Variants in BBS9 observed in about 807,000 individuals in gnomAD.
BBS9 encodes protein PTHB1.
BBS9 carries 89 observed loss-of-function variants against 117.7 expected under a neutral mutation model. That is an observed-to-expected ratio of 0.76 (90% CI 0.64 to 0.90). The LOEUF is 0.90. Ranked by LOEUF, BBS9 falls within the 40% of genes least tolerant of loss-of-function variation. The pLI, the probability that BBS9 is intolerant of heterozygous loss-of-function variation, is 0.00. For missense variants in BBS9, 982 were observed against 1,042.2 expected (o/e 0.94, Z 0.80); for synonymous variants, 379 against 370.9 (o/e 1.02, Z -0.25).
intron 1 of BBS9, among the ~76,000 whole-genome samples, chr7:33,132,515 A>C (rs1296964086): frequency 6.6e-6 from 1 of 152,236 alleles, no homozygotes; most frequent in Non-Finnish European, 1.5e-5. Flanking sequence ...ATCAACACTG[A>C]ATGAAAAGGG....
At chr7:33,600,724 T>C (rs1253762615) in intron 21 of BBS9, among the ~76,000 whole-genome samples, 11 of 152,126 alleles carry the variant, frequency 7.2e-5, no homozygotes, top group Admixed American at 7.2e-4. Context: ...GCCTGAGCCA[T>C]CAGTGGAGTC....
intron 5 of BBS9, among the ~76,000 whole-genome samples, chr7:33,234,388 T>C (rs1029754378): frequency 3.9e-5 from 6 of 152,066 alleles, no homozygotes; most frequent in Non-Finnish European, 2.9e-5. Flanking sequence ...TACAACTTGA[T>C]GATTTGATAT....
intron 4 of BBS9, among the ~76,000 whole-genome samples, chr7:33,167,657 C>T (rs371559264): frequency 2.0e-5 from 3 of 152,166 alleles, no homozygotes; most frequent in Admixed American, 6.5e-5. Flanking sequence ...CCTCAGCCTC[C>T]CAAAGTGCTG....
At chr7:33,337,302 G>C (rs897124677) in intron 10 of BBS9, among the ~76,000 whole-genome samples, 2 of 152,012 alleles carry the variant, frequency 1.3e-5, no homozygotes, top group African/African-American at 4.8e-5. Context: ...ATTACTTCAA[G>C]TTCCCTTTTC....
intron 6 of BBS9, among the ~76,000 whole-genome samples, chr7:33,262,907 A>T (rs1798191287): frequency 6.6e-6 from 1 of 152,160 alleles, no homozygotes; most frequent in African/African-American, 2.4e-5. Flanking sequence ...TATTGGTACT[A>T]CGTGCATACC....
chr7:33,146,471 G>T, intron 2 of BBS9, 107 bp downstream of exon 2: 5 of 822,820 alleles, frequency 6.1e-6, no homozygotes, highest in Non-Finnish European at 8.4e-6. Flanking sequence ...GGAGGCCGAC[G>T]TGGGCAGATC....
intron 19 of BBS9, among the ~76,000 whole-genome samples, chr7:33,437,063 C>T (rs1835402602): frequency 6.6e-6 from 1 of 152,194 alleles, no homozygotes; most frequent in Admixed American, 6.5e-5. Flanking sequence ...AAACCATCTA[C>T]AGCTTTTAAG....
intron 19 of BBS9, among the ~76,000 whole-genome samples, chr7:33,402,821 T>G (rs528648369): frequency 1.7e-4 from 26 of 152,006 alleles, no homozygotes; most frequent in South Asian, 1.7e-3. Context: ...ACCCGAGAGG[T>G]AGTTTTTCAA....
chr7:33,489,537 C>A (rs2128991572), intron 19 of BBS9, among the ~76,000 whole-genome samples: 1 of 152,228 alleles, frequency 6.6e-6, no homozygotes, highest in East Asian at 1.9e-4. Context: ...GACTGCTCAA[C>A]TTACCATTCT....
intron 9 of BBS9, among the ~76,000 whole-genome samples, chr7:33,305,202 A>C (rs1023319103): frequency 6.6e-6 from 1 of 151,596 alleles, no homozygotes; most frequent in Non-Finnish European, 1.5e-5. Flanking sequence ...TAGATGTATC[A>C]TATTGATCAT....
chr7:33,536,916 G>C (rs1851536640), intron 21 of BBS9, among the ~76,000 whole-genome samples: 2 of 151,702 alleles, frequency 1.3e-5, no homozygotes, highest in Non-Finnish European at 2.9e-5. Flanking sequence ...TCTGCTTCAA[G>C]CCTGTAATTG....
At chr7:33,343,182 G>A (rs934349029) in intron 11 of BBS9, among the ~76,000 whole-genome samples, 1 of 152,000 alleles carries the variant, frequency 6.6e-6, no homozygotes, top group African/African-American at 2.4e-5. Context: ...GTAAAAAAAC[G>A]CAATGGATCA....
At chr7:33,329,208 A>G (rs1251655812) in intron 9 of BBS9, among the ~76,000 whole-genome samples, 2 of 151,930 alleles carry the variant, frequency 1.3e-5, no homozygotes, top group African/African-American at 4.8e-5. Context: ...TTTAGTAGAG[A>G]TGGGGTTTCA....
chr7:33,571,044 C>T (rs2256309), intron 21 of BBS9, among the ~76,000 whole-genome samples: 50,424 of 151,982 alleles, frequency 0.33, 12,796 homozygotes, highest in African/African-American at 0.71. Flanking sequence ...AACTAGCTAA[C>T]GATATAATAC....
At chr7:33,297,853 T>C (rs1245680198) in intron 9 of BBS9, among the ~76,000 whole-genome samples, 1 of 152,198 alleles carries the variant, frequency 6.6e-6, no homozygotes, top group South Asian at 2.1e-4. Flanking sequence ...CATCATCTTA[T>C]TGAAAACTTC....
At chr7:33,561,107 G>A (rs920909985) in intron 21 of BBS9, among the ~76,000 whole-genome samples, 7 of 152,068 alleles carry the variant, frequency 4.6e-5, no homozygotes, top group Non-Finnish European at 7.4e-5. Context: ...CAAGTCTGTC[G>A]TTTAATCCTG....
At chr7:33,461,833 A>G (rs2128935142) in intron 19 of BBS9, among the ~76,000 whole-genome samples, 1 of 152,136 alleles carries the variant, frequency 6.6e-6, no homozygotes, top group East Asian at 1.9e-4. Flanking sequence ...ATTTGCCTAA[A>G]AAGATAGTCT....
rs1171039520 is a variant in BBS9, at chr7:33,367,792, T to A, written c.1719T>A (p.Asp573Glu). 6.2e-7 allele frequency: 1 copy of A among 1,613,804 alleles called. No individual in the cohort carries two copies. Among genetic ancestry groups the A allele is most frequent in the African/African-American group, 1.3e-5 (1 of 74,926 alleles). ...FPGFASQSDD[D>E]QVNVMGFHFL... ...GTTTTGCCAGTCAGTCAGATGATGATCAGGTGAATGTAATGGGTTTTCACT... is the reference window on the plus strand; with the variant it reads ...GTTTTGCCAGTCAGTCAGATGATGAACAGGTGAATGTAATGGGTTTTCACT... Residue 573 changes from aspartate to glutamate, a missense_variant, in exon 17 of 23, where the codon GAT (aspartate) becomes GAA (glutamate). Asp to Glu is a conservative substitution (Grantham distance 45, BLOSUM62 2). Transcript: ENST00000242067.
chr7:33,577,940 A>G (rs1405095213), intron 21 of BBS9, among the ~76,000 whole-genome samples: 1 of 152,150 alleles, frequency 6.6e-6, no homozygotes, highest in Non-Finnish European at 1.5e-5. Context: ...ATTAGGAGAA[A>G]TACCTAATGT....
Sources: allele counts gnomAD v4.1 joint callset (sites outside exome capture counted in the v4.1 genomes callset), GRCh38; gene constraint gnomAD v4.1.1; transcripts MANE v1.5; gene names NCBI Gene and HGNC (gene_info 2026-07-23, HGNC 2026-07-21).